Variants in PICALM observed in about 807,000 individuals in gnomAD.
PICALM encodes phosphatidylinositol binding clathrin assembly protein, also known as phosphatidylinositol-binding clathrin assembly protein.
A neutral mutation model predicts 80.5 loss-of-function variants in PICALM; 40 were observed. That is an observed-to-expected ratio of 0.50 (90% CI 0.39 to 0.65). The LOEUF (loss-of-function observed/expected upper bound fraction) is 0.65, where lower values mean the gene tolerates loss of function less well. Ranked by LOEUF, PICALM falls within the 30% of genes least tolerant of loss-of-function variation. The probability of loss-of-function intolerance (pLI) is 0.00; values close to 1 mark genes in which losing one functional copy is unlikely to be tolerated. For missense variants in PICALM, 676 were observed against 778.9 expected (o/e 0.87, Z 1.57); for synonymous variants, 288 against 260.3 (o/e 1.11, Z -1.02).
At chr11:86,049,228 A>G (rs2096133790) in intron 1 of PICALM, among the ~76,000 whole-genome samples, 1 of 152,194 alleles carries the variant, frequency 6.6e-6, no homozygotes, top group Non-Finnish European at 1.5e-5. Flanking sequence ...CAGTGCAGTG[A>G]GCTGAGATTG....
chr11:86,020,522 G>A (rs1306675886), intron 4 of PICALM, among the ~76,000 whole-genome samples: 1 of 151,820 alleles, frequency 6.6e-6, no homozygotes, highest in Admixed American at 6.6e-5. Flanking sequence ...TGTGGTACTG[G>A]CATGAAGATA....
rs376759395 is a variant in PICALM, at chr11:86,056,134, T to TAAAAAAAAAAAAA, written c.130+12516_130+12517insTTTTTTTTTTTTT. On this transcript the variant is annotated intron_variant, in intron 1 of 19. Transcript: ENST00000393346. ...TGGGTGACAGAACAAGACTCTGTCT[T>TAAAAAAAAAAAAA]TAAAAAAAAAAAAAAAGAAAAAACC... is the stretch of plus-strand genomic sequence containing the variant. Among the ~76,000 whole-genome samples, 24 of 76,850 alleles carry TAAAAAAAAAAAAA rather than the reference T, an allele frequency of 3.1e-4. 3 individuals carry two copies. The highest frequency in any genetic ancestry group is 4.9e-4 in the African/African-American group (10 of 20,522). 50.4% of individuals were successfully genotyped at this position (76,850 alleles called of 152,430 possible). A position where few individuals can be genotyped will look rare whatever the true frequency, so the allele number is the denominator to read the frequency against.
At chr11:86,000,929 CCATTAGGTAGCTATA>C in intron 10 of PICALM, 91 bp downstream of exon 10, 1 of 1,483,826 alleles carries the variant, frequency 6.7e-7, no homozygotes, top group East Asian at 2.3e-5. Flanking sequence ...GAGTTTCAGC[CCATTAGGTAGCTATA>C]CATTTAAGAC....
intron 1 of PICALM, among the ~76,000 whole-genome samples, chr11:86,037,006 C>A (rs890002145): frequency 6.7e-6 from 1 of 149,910 alleles, no homozygotes; most frequent in Non-Finnish European, 1.5e-5. Flanking sequence ...GAGTGCATGG[C>A]GTGATCTCGG....
intron 9 of PICALM, among the ~76,000 whole-genome samples, chr11:86,002,380 C>T (rs1032171655): frequency 2.6e-5 from 4 of 152,138 alleles, no homozygotes; most frequent in African/African-American, 9.7e-5. Context: ...TCTCACTATA[C>T]AAATTCTTTC....
chr11:86,017,785 T>C (rs185546658), intron 4 of PICALM, among the ~76,000 whole-genome samples: 43 of 152,342 alleles, frequency 2.8e-4, no homozygotes, highest in African/African-American at 9.9e-4. Flanking sequence ...AGCAAGCTGA[T>C]AGATACGTAA....
At chr11:85,983,792 G>A in intron 14 of PICALM, 74 bp downstream of exon 14, 2 of 639,812 alleles carry the variant, frequency 3.1e-6, no homozygotes, top group Admixed American at 3.1e-5. Context: ...CATTTTAAAA[G>A]CAGCATTATT....
intron 1 of PICALM, among the ~76,000 whole-genome samples, chr11:86,041,879 T>C (rs1184723785): frequency 6.6e-6 from 1 of 152,212 alleles, no homozygotes. Flanking sequence ...ATGAAAATGC[T>C]CTATAGAAAA....
intron 1 of PICALM, among the ~76,000 whole-genome samples, chr11:86,045,761 TGGC>T (rs1200119425): frequency 2.0e-5 from 3 of 152,174 alleles, no homozygotes; most frequent in African/African-American, 7.2e-5. Flanking sequence ...ATCTTTATCC[TGGC>T]TTGTGTGAGA....
intron 8 of PICALM, 50 bp downstream of exon 8, chr11:86,007,492 A>G (rs1223012697): frequency 1.9e-6 from 2 of 1,061,104 alleles, no homozygotes; most frequent in Non-Finnish European, 1.5e-6. Flanking sequence ...AATACTCTTC[A>G]CAACTTGTAC....
intron 1 of PICALM, among the ~76,000 whole-genome samples, chr11:86,033,628 TCTG>T (rs1238424816): frequency 6.6e-6 from 1 of 152,220 alleles, no homozygotes; most frequent in African/African-American, 2.4e-5. Flanking sequence ...TCCCCCTTAC[TCTG>T]CTTATTTCTC....
rs767913869 is a variant in PICALM, at chr11:86,068,787, A to T, written c.-7T>A. The T allele has an allele frequency of 1.2e-6, 2 of 1,602,086 alleles. No individual in the cohort carries two copies. Among genetic ancestry groups the T allele is most frequent in the East Asian group, 4.5e-5 (2 of 44,474 alleles). On this transcript the variant is annotated 5_prime_UTR_variant, in exon 1 of 20. Transcript: ENST00000393346. Reference sequence around the variant, plus strand: ...TCAGGCTCTGGCCGGACATCTCTGCAGCTCCTCCACCACCCCACCCGCTCA... The same window carrying T: ...TCAGGCTCTGGCCGGACATCTCTGCTGCTCCTCCACCACCCCACCCGCTCA...
chr11:86,028,941 G>A (rs1000658949), intron 2 of PICALM, among the ~76,000 whole-genome samples: 2 of 151,172 alleles, frequency 1.3e-5, no homozygotes, highest in Non-Finnish European at 2.9e-5. Flanking sequence ...AGGTTTAAGC[G>A]ATTCTCCTGC....
chr11:86,052,308 G>A lies in PICALM; in HGVS notation c.130+16343C>T, dbSNP rs897893122. ...TTCCTGAGGTCTCCCTGGCCATGCA[G>A]AACTGTGAGTCAATTAAACCTCTTT... On this transcript the variant is annotated intron_variant, in intron 1 of 19. Coordinates refer to ENST00000393346, the MANE Select transcript of PICALM (RefSeq NM_007166.4). 1.1e-4 allele frequency among the ~76,000 whole-genome samples: 17 copies of A among 152,198 alleles called. 1 individual carries two copies. The highest frequency in any genetic ancestry group is 3.9e-4 in the African/African-American group (16 of 41,450).
At chr11:85,972,766 T>C (rs2094150288) in intron 19 of PICALM, among the ~76,000 whole-genome samples, 1 of 152,316 alleles carries the variant, frequency 6.6e-6, no homozygotes, top group East Asian at 1.9e-4. Context: ...ATAATAATAA[T>C]TTTTAAAGTA....
At chr11:86,008,588 C>A (rs112601032) in intron 7 of PICALM, among the ~76,000 whole-genome samples, 1 of 151,544 alleles carries the variant, frequency 6.6e-6, no homozygotes, top group African/African-American at 2.4e-5. Context: ...CCACCGCACT[C>A]CAGCCTGGGA....
intron 13 of PICALM, among the ~76,000 whole-genome samples, chr11:85,985,917 A>AT (rs2094558155): frequency 6.6e-6 from 1 of 152,206 alleles, no homozygotes; most frequent in Non-Finnish European, 1.5e-5. Context: ...TATGATTGAT[A>AT]TAAGAGATAA....
intron 1 of PICALM, among the ~76,000 whole-genome samples, chr11:86,057,585 T>G (rs556386605): frequency 6.4e-3 from 491 of 76,644 alleles, no homozygotes; most frequent in Non-Finnish European, 9.2e-3. Flanking sequence ...GAATAAAAAA[T>G]TATGTGTGTG....
intron 1 of PICALM, among the ~76,000 whole-genome samples, chr11:86,033,839 CT>C (rs1397077692): frequency 1.3e-5 from 2 of 152,050 alleles, no homozygotes; most frequent in African/African-American, 4.8e-5. Context: ...TATGGGTATT[CT>C]TAACATGACA....
Sources: gnomAD v4.1 joint callset for allele counts (sites outside exome capture counted in the v4.1 genomes callset) on GRCh38, gnomAD v4.1.1 for gene constraint, MANE v1.5 for transcripts, NCBI Gene and HGNC (gene_info 2026-07-23, HGNC 2026-07-21) for gene names.